The following ZNF565 variants were observed in gnomAD, a reference collection of about 807,000 sequenced individuals.
ZNF565 encodes the protein zinc finger protein 565.
In ZNF565, 27 loss-of-function variants were observed where a neutral mutation model predicts 39.4. The observed-to-expected ratio is 0.69, with a 90% CI of 0.51 to 0.95. The LOEUF (loss-of-function observed/expected upper bound fraction) is 0.95. Among genes scored for constraint, ZNF565 ranks in the 40% least tolerant of loss-of-function variants. The probability of loss-of-function intolerance (pLI) is 0.00; values close to 1 mark genes in which losing one functional copy is unlikely to be tolerated. For synonymous variants in ZNF565, 185 were observed against 216.6 expected, an observed-to-expected ratio of 0.85 and a Z score of 1.28; for missense variants, 524 against 621.1, an observed-to-expected ratio of 0.84 and a Z score of 1.66.
At chr19:36,236,536 TGA>T in intron 1 of ZNF565, 1 of 1,614,200 alleles carries the variant, frequency 6.2e-7, no homozygotes, top group Non-Finnish European at 8.5e-7. Context: ...CAAACCTCAC[TGA>T]GCATGAGCAT....
At chr19:36,216,261 C>T (rs1348951461), upstream of ZNF565, among the ~76,000 whole-genome samples, 2 of 152,070 alleles carry the variant, frequency 1.3e-5, no homozygotes, top group Non-Finnish European at 2.9e-5. Context: ...CTTTAAAATA[C>T]TACTAAGGGG....
At chr19:36,244,601 T>C (rs2029879671) in intron 1 of ZNF565, among the ~76,000 whole-genome samples, 1 of 151,638 alleles carries the variant, frequency 6.6e-6, no homozygotes, top group African/African-American at 2.4e-5. Context: ...GCCTGTAATT[T>C]CAGCACTTTG....
Position 36,189,197 on chromosome 19 carries a change from G to C in ZNF565, c.232+5036C>G, listed in dbSNP as rs371080981. 3.2e-4 allele frequency among the ~76,000 whole-genome samples: 48 copies of C among 152,216 alleles called. No homozygotes were observed. In the East Asian group the frequency reaches 3.7e-3, roughly 12 times the overall value. On this transcript the variant is annotated intron_variant, in intron 4 of 4. Transcript: ENST00000304116. ...CCAGCCACTTGGGAACCTGAGGTGGGAGGATGGCTTGAAACTGGGAGGCAG... is the reference window on the plus strand; with the variant it reads ...CCAGCCACTTGGGAACCTGAGGTGGCAGGATGGCTTGAAACTGGGAGGCAG...
intron 1 of ZNF565, among the ~76,000 whole-genome samples, chr19:36,235,207 C>CA (rs112972407): frequency 0.1 from 12,415 of 121,446 alleles, 702 homozygotes; most frequent in East Asian, 0.36. Context: ...AATTCCGTCT[C>CA]AAAAAAAAAA....
At chr19:36,227,958 C>A (rs566915447) in intron 1 of ZNF565, among the ~76,000 whole-genome samples, 1 of 151,980 alleles carries the variant, frequency 6.6e-6, no homozygotes, top group Non-Finnish European at 1.5e-5. Context: ...GTCAGGAGTT[C>A]GAGACCAGCC....
rs756883994 is a variant in ZNF565 at position 36,183,387 on chromosome 19, T to A, written c.579A>T (p.Lys193Asn). 1.6e-5 allele frequency: 25 copies of A among 1,608,254 alleles called. No individual in the cohort carries two copies. The East Asian group carries it at 5.6e-4, about 36-fold the overall frequency. ...TCCCACATTCCTTACATCCAAAGGGTTTTTCACCAGTGTGAATTTTCTGAT... is the reference window on the plus strand; with the variant it reads ...TCCCACATTCCTTACATCCAAAGGGATTTTCACCAGTGTGAATTTTCTGAT... ...IQHQKIHTGE[K>N]PFGCKECGKA... Residue 193 changes from lysine (K) to asparagine (N), a missense_variant, in exon 5 of 5, where the codon AAA becomes AAT. Coordinates refer to ENST00000304116, the MANE Select transcript of ZNF565 (RefSeq NM_152477.5).
chr19:36,219,452 G>A (rs1599958038), upstream of ZNF565, among the ~76,000 whole-genome samples: 1 of 152,126 alleles, frequency 6.6e-6, no homozygotes, highest in East Asian at 1.9e-4. Context: ...TGGAAGATTT[G>A]TTCTTTGATT....
At position 36,182,598 on chromosome 19, in the gene ZNF565, A is replaced by G. The variant is rs1441002432; in HGVS notation, c.1368T>C (p.Phe456=). 1.2e-6 allele frequency: 2 copies of G among 1,614,192 alleles called. No homozygotes were observed. The highest frequency in any genetic ancestry group is 1.1e-5 in the South Asian group (1 of 91,088). ...PYECRECGMA[F]IRSSQLTEHQ... is the part of the protein sequence containing the mutation. ...GTTCGGTAAGTTGTGAACTACGAAT[A>G]AAGGCCATTCCACACTCCCTGCATT... Residue 456 remains phenylalanine, a synonymous_variant, in exon 5 of 5, where the codon TTT becomes TTC. Coordinates refer to ENST00000304116, the MANE Select transcript of ZNF565 (RefSeq NM_152477.5).
At chr19:36,215,517 A>G (rs970060834), upstream of ZNF565, among the ~76,000 whole-genome samples, 4 of 152,140 alleles carry the variant, frequency 2.6e-5, no homozygotes, top group Non-Finnish European at 4.4e-5. Context: ...AGTGCTGATA[A>G]TTATAACGGT....
At chr19:36,182,155 G>A (rs201415352), downstream of ZNF565, 4 of 245,344 alleles carry the variant, frequency 1.6e-5, no homozygotes, top group African/African-American at 2.3e-5. Flanking sequence ...CCTGGCCACA[G>A]AATCTTTTAA....
At chr19:36,206,898 A>G (rs1029302012) in intron 1 of ZNF565, among the ~76,000 whole-genome samples, 2 of 152,180 alleles carry the variant, frequency 1.3e-5, no homozygotes, top group African/African-American at 4.8e-5. Context: ...AAAAACAAAG[A>G]AGATTAAGGG....
intron 1 of ZNF565, among the ~76,000 whole-genome samples, chr19:36,222,260 T>A (rs1441619984): frequency 2.0e-5 from 3 of 152,002 alleles, no homozygotes; most frequent in South Asian, 2.1e-4. Context: ...TTAAAAGAAA[T>A]TTTTTTTTCA....
chr19:36,192,280 C>A (rs1975586015), intron 4 of ZNF565, among the ~76,000 whole-genome samples: 1 of 152,092 alleles, frequency 6.6e-6, no homozygotes, highest in Non-Finnish European at 1.5e-5. Context: ...ACCAAGTGAT[C>A]AAACTGAACA....
At chr19:36,236,976 C>A in intron 1 of ZNF565, 1 of 1,614,208 alleles carries the variant, frequency 6.2e-7, no homozygotes, top group Non-Finnish European at 8.5e-7. Context: ...AACATTCACA[C>A]TGGAGAGAAA....
Position 36,183,074 on chromosome 19 carries a change from G to A in ZNF565, c.892C>T (p.Arg298Trp), listed in dbSNP as rs767622770. 17 of 1,613,996 alleles carry A rather than the reference G, an allele frequency of 1.1e-5. No homozygotes were observed. Among genetic ancestry groups the A allele is most frequent in the African/African-American group, 4.0e-5 (3 of 74,902 alleles). Residue 298 changes from arginine (R) to tryptophan (W), a missense_variant, in exon 5 of 5, where the codon CGG (arginine) becomes TGG (tryptophan). Physicochemically the swap from Arg to Trp is moderately radical, Grantham distance 101. Coordinates refer to ENST00000304116, the MANE Select transcript of ZNF565 (RefSeq NM_152477.5). The part of the protein sequence containing the change: ...FIRGSQLTVH[R>W]RIHTGARPYE... ...GGTCTGGCCCCTGTGTGGATTCTCC[G>A]ATGCACAGTGAGTTGGGAGCCACGA...
rs1218263956 is a variant in ZNF565 at position 36,245,497 on chromosome 19, C to G, written c.34G>C (p.Ala12Pro). 4.3e-6 allele frequency: 3 copies of G among 702,232 alleles called. No homozygotes were observed. The highest frequency in any genetic ancestry group is 4.0e-5 in the Admixed American group (2 of 49,996). 43.5% of individuals were successfully genotyped at this position (702,232 alleles called of 1,614,324 possible). Reference sequence around the variant, plus strand: ...TTACCTGCGTCCAGGCGGTGACTTGCGAGGGACCACCTTTCCCAGGGTCCA... The same window carrying G: ...TTACCTGCGTCCAGGCGGTGACTTGGGAGGGACCACCTTTCCCAGGGTCCA... Residue 12 changes from alanine (A) to proline (P), a missense_variant, in exon 1 of 5, where the codon GCA (alanine) becomes CCA (proline). By Grantham distance (27) the Ala-to-Pro change is conservative (BLOSUM62 -1). Coordinates refer to the ZNF565 transcript ENST00000355114. The surrounding 1 kb of genome is among the most constrained non-coding windows in gnomAD (Gnocchi z 4.4).
chr19:36,211,488 A>G (rs868305363), intron 1 of ZNF565, among the ~76,000 whole-genome samples: 1 of 111,754 alleles, frequency 8.9e-6, no homozygotes, highest in South Asian at 2.9e-4. Context: ...CACACACACA[A>G]TTCTAATTAA....
At chr19:36,191,464 C>T (rs930408687) in intron 4 of ZNF565, among the ~76,000 whole-genome samples, 1 of 151,836 alleles carries the variant, frequency 6.6e-6, no homozygotes, top group Non-Finnish European at 1.5e-5. Context: ...TGGCTGATTT[C>T]AGGGCTGAGG....
intron 1 of ZNF565, among the ~76,000 whole-genome samples, chr19:36,241,971 TAAATATAATACC>T (rs1232743256): frequency 5.9e-5 from 9 of 152,316 alleles, no homozygotes; most frequent in Admixed American, 1.3e-4. Context: ...AACGATTTTG[TAAATATAATACC>T]AAATATAATA....
Sources: allele counts gnomAD v4.1 joint callset (sites outside exome capture counted in the v4.1 genomes callset), GRCh38; gene constraint gnomAD v4.1.1; non-coding constraint Gnocchi (gnomAD v3.1); transcripts MANE v1.5; gene names NCBI Gene and HGNC (gene_info 2026-07-23, HGNC 2026-07-21).